Variants in NKAIN2 observed in about 807,000 individuals in gnomAD.
NKAIN2 encodes the protein sodium/potassium transporting ATPase interacting 2.
In NKAIN2, 14 loss-of-function variants were observed where a neutral mutation model predicts 32.6. The ratio of observed to expected loss-of-function variants is 0.43; its 90% CI spans 0.28 to 0.67. NKAIN2 has a LOEUF of 0.67. NKAIN2 is among the 30% of genes least tolerant of loss of function. The probability of loss-of-function intolerance (pLI) is 0.17; values close to 1 mark genes in which losing one functional copy is unlikely to be tolerated. For missense variants in NKAIN2, 198 were observed against 258.3 expected (o/e 0.77, Z 1.60); for synonymous variants, 80 against 87.2 (o/e 0.92, Z 0.46).
At position 124,658,137 on chromosome 6, in the gene NKAIN2, A is replaced by G. The variant is rs748740981; in HGVS notation, c.274-49A>G. On this transcript the variant is annotated intron_variant, in intron 3 of 6. Transcript: ENST00000368417. ...AAGCAAGTCAGTCCCAAGTAAGCTG[A>G]CTAACATTTATAAAGTAATTCTCAT... is the stretch of plus-strand genomic sequence containing the variant. The G allele has an allele frequency of 2.1e-6, 3 of 1,421,924 alleles. No individual in the cohort carries two copies. The African/African-American group carries it at 4.3e-5, about 20-fold the overall frequency. 88.1% of individuals were successfully genotyped at this position (1,421,924 alleles called of 1,614,324 possible).
intron 1 of NKAIN2, among the ~76,000 whole-genome samples, chr6:124,001,155 C>T (rs1316421241): frequency 6.6e-6 from 1 of 151,794 alleles, no homozygotes; most frequent in East Asian, 1.9e-4. Context: ...ACTTTATAAT[C>T]TGTTTTTATT....
chr6:124,490,587 A>T (rs2114723319), intron 3 of NKAIN2, among the ~76,000 whole-genome samples: 1 of 151,848 alleles, frequency 6.6e-6, no homozygotes, highest in Non-Finnish European at 1.5e-5. Context: ...AATAGCAAAT[A>T]GCAATACCAT....
intron 1 of NKAIN2, among the ~76,000 whole-genome samples, chr6:123,952,586 C>A (rs991024561): frequency 1.3e-5 from 2 of 152,046 alleles, no homozygotes; most frequent in Admixed American, 1.3e-4. Context: ...TTAAAACATT[C>A]TTTTTAATTT....
At chr6:124,171,063 G>A (rs1486651043) in intron 1 of NKAIN2, among the ~76,000 whole-genome samples, 3 of 152,074 alleles carry the variant, frequency 2.0e-5, no homozygotes, top group Non-Finnish European at 4.4e-5. Flanking sequence ...CATTTGAGAT[G>A]TGTGGGAAAG....
At chr6:123,977,404 T>A (rs1425062497) in intron 1 of NKAIN2, among the ~76,000 whole-genome samples, 1 of 152,098 alleles carries the variant, frequency 6.6e-6, no homozygotes, top group Admixed American at 6.6e-5. Flanking sequence ...GAGTGAAACC[T>A]TGACTTTAAA....
At chr6:124,771,579 A>G (rs1778758019) in intron 4 of NKAIN2, among the ~76,000 whole-genome samples, 1 of 152,198 alleles carries the variant, frequency 6.6e-6, no homozygotes, top group African/African-American at 2.4e-5. Flanking sequence ...CAGCATATAT[A>G]ATACAATGGG....
rs541795855 is a variant in NKAIN2, at chr6:124,241,901, T to C, written c.55-41104T>C. Reference sequence around the variant, plus strand: ...CCTTACACCTTATACAAAAATTAACTCAAGATGGATTAAAGACCTGAACAT... The same window carrying C: ...CCTTACACCTTATACAAAAATTAACCCAAGATGGATTAAAGACCTGAACAT... On this transcript the variant is annotated intron_variant, in intron 1 of 6. Transcript: ENST00000368417. 9.2e-5 allele frequency among the ~76,000 whole-genome samples: 14 copies of C among 152,076 alleles called. No individual in the cohort carries two copies. In the South Asian group the frequency reaches 2.9e-3, roughly 32 times the overall value.
intron 1 of NKAIN2, among the ~76,000 whole-genome samples, chr6:123,849,676 G>A (rs1199576873): frequency 2.6e-5 from 4 of 152,178 alleles, no homozygotes; most frequent in Non-Finnish European, 4.4e-5. Flanking sequence ...CAGTGTGCTT[G>A]TAGCTGGAGT....
intron 3 of NKAIN2, among the ~76,000 whole-genome samples, chr6:124,642,609 C>T (rs549705103): frequency 4.5e-4 from 68 of 152,202 alleles, no homozygotes; most frequent in Non-Finnish European, 7.5e-4. Context: ...CATGAAAATA[C>T]GTGATTCTTC....
chr6:124,032,700 A>T (rs1211691403), intron 1 of NKAIN2, among the ~76,000 whole-genome samples: 1 of 152,138 alleles, frequency 6.6e-6, no homozygotes, highest in Non-Finnish European at 1.5e-5. Context: ...TTAATGAAAT[A>T]ATGGAATCAC....
At chr6:124,175,773 C>T (rs907400453) in intron 1 of NKAIN2, among the ~76,000 whole-genome samples, 1 of 152,118 alleles carries the variant, frequency 6.6e-6, no homozygotes, top group Non-Finnish European at 1.5e-5. Context: ...GGGTTTTCAA[C>T]ATTATTTTCC....
intron 1 of NKAIN2, among the ~76,000 whole-genome samples, chr6:124,003,873 A>G (rs972374623): frequency 1.1e-4 from 16 of 152,202 alleles, no homozygotes; most frequent in Admixed American, 9.2e-4. Flanking sequence ...ATGCTTAAAT[A>G]TCAGTGGCGC....
In NKAIN2 at chr6:124,551,628, A is replaced by C. The variant is rs571229608; in HGVS notation, c.274-106558A>C. 2.0e-5 allele frequency among the ~76,000 whole-genome samples: 3 copies of C among 152,336 alleles called. No individual in the cohort carries two copies. The South Asian group carries it at 6.2e-4, about 32-fold the overall frequency. ...AGGGAAAAGGTGATTTTTAAGCTTA[A>C]GGGGTCAAAGTGAGCTTCCACAAGG... On this transcript the variant is annotated intron_variant, in intron 3 of 6. Transcript: ENST00000368417.
intron 3 of NKAIN2, among the ~76,000 whole-genome samples, chr6:124,631,316 T>A (rs560738038): frequency 6.6e-6 from 1 of 152,306 alleles, no homozygotes; most frequent in Non-Finnish European, 1.5e-5. Context: ...AATAAACCAG[T>A]AATTTATAGA....
intron 1 of NKAIN2, among the ~76,000 whole-genome samples, chr6:123,907,578 A>G (rs1351248439): frequency 6.6e-6 from 1 of 152,158 alleles, no homozygotes; most frequent in Non-Finnish European, 1.5e-5. Context: ...AATTACCCTG[A>G]AACTAATATG....
rs746380068 is a variant in NKAIN2 at position 124,445,688 on chromosome 6, G to A, written c.273+90341G>A. On this transcript the variant is annotated intron_variant, in intron 3 of 6. Transcript: ENST00000368417. ...TGATATAATAAATGCTGAAGGAAGC[G>A]TTGACTGAAAACCATGTATTACTGC... is the stretch of plus-strand genomic sequence containing the variant. Among the ~76,000 whole-genome samples the A allele has an allele frequency of 9.2e-5, 14 of 151,742 alleles. No individual in the cohort carries two copies. The East Asian group carries it at 9.7e-4, about 11-fold the overall frequency.
chr6:124,277,121 A>G (rs1244413015), intron 1 of NKAIN2, among the ~76,000 whole-genome samples: 1 of 152,184 alleles, frequency 6.6e-6, no homozygotes, highest in Non-Finnish European at 1.5e-5. Flanking sequence ...TAGTATTCAA[A>G]CTTTCTACAT....
At chr6:124,361,711 C>G (rs1799296366) in intron 3 of NKAIN2, among the ~76,000 whole-genome samples, 1 of 151,934 alleles carries the variant, frequency 6.6e-6, no homozygotes, top group Admixed American at 6.6e-5. Context: ...AACAATGTGG[C>G]TTATTTAAGC....
chr6:123,915,128 T>C (rs1775422569), intron 1 of NKAIN2, among the ~76,000 whole-genome samples: 1 of 152,186 alleles, frequency 6.6e-6, no homozygotes. Context: ...GGTGATACAA[T>C]TATGTTTGGG....
Sources: gnomAD v4.1 joint callset for allele counts (sites outside exome capture counted in the v4.1 genomes callset) on GRCh38, gnomAD v4.1.1 for gene constraint, MANE v1.5 for transcripts, NCBI Gene and HGNC (gene_info 2026-07-23, HGNC 2026-07-21) for gene names.